Variants in WNK2 observed in about 807,000 individuals in gnomAD.
WNK2 encodes the protein WNK lysine deficient protein kinase 2.
A neutral mutation model predicts 192.1 loss-of-function variants in WNK2; 67 were observed. The ratio of observed to expected loss-of-function variants is 0.35; its 90% CI spans 0.29 to 0.43. WNK2 has a LOEUF of 0.43. WNK2 is among the 20% of genes least tolerant of loss of function. The pLI is 1.00. For missense variants in WNK2, 2,698 were observed against 3,089.7 expected (o/e 0.87, Z 3.01); for synonymous variants, 1,439 against 1,393.9 (o/e 1.03, Z -0.72).
At position 93,262,710 on chromosome 9, in the gene WNK2, G is replaced by A. The variant is rs1252095608; in HGVS notation, c.3401G>A (p.Ser1134Asn). Residue 1134 changes from serine (S) to asparagine (N), a missense_variant, in exon 14 of 30, where the codon AGC (serine) becomes AAC (asparagine). By Grantham distance (46) the Ser-to-Asn change is conservative. This residue lies in a region of WNK2 where 893 missense variants were observed against 909.0 expected (regional missense o/e 0.98). Coordinates refer to ENST00000427277, the MANE Select transcript of WNK2 (RefSeq NM_006648.4). ...SQDKPPGLPQ[S>N]CESYGGSDVT... ...GACAAGCCGCCCGGCCTCCCGCAGA[G>A]CTGTGAGAGGTAGTGTGGCCCAGCC... is the stretch of plus-strand genomic sequence containing the variant. 3 of 1,612,206 alleles carry A rather than the reference G, an allele frequency of 1.9e-6. No homozygotes were observed. Among genetic ancestry groups the A allele is most frequent in the Non-Finnish European group, 2.5e-6 (3 of 1,179,906 alleles).
intron 2 of WNK2, among the ~76,000 whole-genome samples, chr9:93,189,659 C>T (rs942359572): frequency 2.0e-4 from 31 of 152,212 alleles, no homozygotes; most frequent in African/African-American, 7.5e-4. Context: ...CCCAGCCACC[C>T]GACAGCCTCT....
In WNK2 at chr9:93,263,581, T is replaced by G; in HGVS notation, c.3426T>G (p.Asp1142Glu). Residue 1142 changes from aspartate (D) to glutamate (E), a missense_variant, in exon 15 of 30, where the codon GAT becomes GAG. This residue lies in a region of WNK2 where 893 missense variants were observed against 909.0 expected (regional missense o/e 0.98). Coordinates refer to ENST00000427277, the MANE Select transcript of WNK2 (RefSeq NM_006648.4). ...PQSCESYGGS[D>E]VTSGKELSDS... is the part of the protein sequence containing the mutation. ...TTTTGCTCAGCTATGGAGGTTCTGA[T>G]GTCACTTCTGGAAAAGAGCTGAGTG... The G allele has an allele frequency of 6.2e-7, 1 of 1,611,700 alleles. No individual in the cohort carries two copies. The highest frequency in any genetic ancestry group is 8.5e-7 in the Non-Finnish European group (1 of 1,179,346).
intron 25 of WNK2, 85 bp downstream of exon 25, chr9:93,299,346 A>T (rs995032367): frequency 2.1e-6 from 3 of 1,410,490 alleles, no homozygotes; most frequent in African/African-American, 2.9e-5. Context: ...CGTGTTGTGT[A>T]GAGGGGTTGC....
At chr9:93,208,607 T>G (rs1055853201) in intron 2 of WNK2, among the ~76,000 whole-genome samples, 2 of 45,284 alleles carry the variant, frequency 4.4e-5, no homozygotes, top group Non-Finnish European at 9.6e-5. Context: ...TCGTGTCCTG[T>G]GTGTTCTGCA....
chr9:93,306,928 T>TGACTGCCCCGC, intron 27 of WNK2, 107 bp downstream of exon 27: 1 of 1,415,528 alleles, frequency 7.1e-7, no homozygotes, highest in Admixed American at 1.7e-5. Context: ...GCCTGCCCTG[T>TGACTGCCCCGC]GCCTGCCCCG....
chr9:93,262,823 G>GT, intron 14 of WNK2, 104 bp downstream of exon 14: 1 of 1,344,480 alleles, frequency 7.4e-7, no homozygotes, highest in East Asian at 2.4e-5. Flanking sequence ...ACCCACTATA[G>GT]TTTGCCCTGA....
intron 5 of WNK2, 39 bp downstream of exon 5, chr9:93,235,004 CA>C (rs1839551263): frequency 1.9e-6 from 3 of 1,611,518 alleles, no homozygotes; most frequent in Non-Finnish European, 2.5e-6. Flanking sequence ...AATAAGGACA[CA>C]GAGGCCTTGG....
intron 7 of WNK2, among the ~76,000 whole-genome samples, chr9:93,240,243 C>T (rs932802658): frequency 2.6e-5 from 4 of 152,142 alleles, no homozygotes; most frequent in East Asian, 1.9e-4. Context: ...CAGTGCAGTG[C>T]GGGAATTCAG....
intron 2 of WNK2, among the ~76,000 whole-genome samples, chr9:93,194,371 A>G (rs563643601): frequency 1.3e-5 from 2 of 152,262 alleles, no homozygotes; most frequent in African/African-American, 2.4e-5. Context: ...CAACAATAAG[A>G]AAACAATCAG....
At chr9:93,302,218 C>A (rs1466551363) in intron 26 of WNK2, among the ~76,000 whole-genome samples, 2 of 152,210 alleles carry the variant, frequency 1.3e-5, no homozygotes, top group South Asian at 2.1e-4. Flanking sequence ...TGGGCGCAGC[C>A]CTGTGAGCGC....
Position 93,261,933 on chromosome 9 carries a change from C to T in WNK2, c.3186C>T (p.Ala1062=), listed in dbSNP as rs751676447. The change falls in exon 13 of 30, where the codon GCC becomes GCT. Residue 1062 remains alanine (A), a synonymous_variant. Transcript: ENST00000427277. The part of the protein sequence containing the change: ...PPLPEVLLPA[A]PELLPQFPSS... ...TGCCGGAAGTGCTGCTGCCTGCCGC[C>T]CCTGAGCTCCTGCCTCAGTTCCCCA... is the stretch of plus-strand genomic sequence containing the variant. The T allele has an allele frequency of 6.2e-7, 1 of 1,610,184 alleles. No individual in the cohort carries two copies. The highest frequency in any genetic ancestry group is 1.1e-5 in the South Asian group (1 of 91,072).
intron 2 of WNK2, among the ~76,000 whole-genome samples, chr9:93,189,009 G>A (rs1156495175): frequency 6.6e-6 from 1 of 152,184 alleles, no homozygotes; most frequent in East Asian, 1.9e-4. Flanking sequence ...GTTCCATGTG[G>A]CTCAGGGCTC....
chr9:93,278,934 A>C (rs947367180), intron 19 of WNK2, among the ~76,000 whole-genome samples: 1 of 152,242 alleles, frequency 6.6e-6, no homozygotes, highest in African/African-American at 2.4e-5. Context: ...AAAACCCAAC[A>C]ATTATAAACA....
intron 2 of WNK2, among the ~76,000 whole-genome samples, chr9:93,214,137 C>G (rs1367811274): frequency 3.9e-5 from 6 of 152,096 alleles, no homozygotes; most frequent in African/African-American, 9.7e-5. Context: ...TTCCCTTTAC[C>G]TGAAGTTTTC....
chr9:93,186,234 C>T (rs1311195456), intron 2 of WNK2, among the ~76,000 whole-genome samples: 1 of 152,180 alleles, frequency 6.6e-6, no homozygotes, highest in Non-Finnish European at 1.5e-5. Flanking sequence ...CTCTGCTGCT[C>T]TGAGAGCTCC....
chr9:93,306,435 G>A (rs1310156901), intron 26 of WNK2, among the ~76,000 whole-genome samples: 1 of 152,140 alleles, frequency 6.6e-6, no homozygotes, highest in Non-Finnish European at 1.5e-5. Context: ...GAAGCCTGAT[G>A]TTTGAAAGCC....
chr9:93,199,989 C>T (rs929796261), intron 2 of WNK2, among the ~76,000 whole-genome samples: 1 of 151,684 alleles, frequency 6.6e-6, no homozygotes, highest in Non-Finnish European at 1.5e-5. Context: ...CAGGGCAGCC[C>T]CAGCCTGGTG....
chr9:93,200,854 A>C (rs1232679411), intron 2 of WNK2, among the ~76,000 whole-genome samples: 1 of 152,214 alleles, frequency 6.6e-6, no homozygotes, highest in Non-Finnish European at 1.5e-5. Context: ...GAAGGATGAA[A>C]TAGGGTTAGC....
intron 7 of WNK2, among the ~76,000 whole-genome samples, chr9:93,243,845 C>T (rs1028348792): frequency 6.6e-6 from 1 of 152,246 alleles, no homozygotes; most frequent in African/African-American, 2.4e-5. Flanking sequence ...GGAGGGGCTT[C>T]GCCGTGATGC....
Sources: gnomAD v4.1 joint callset for allele counts (sites outside exome capture counted in the v4.1 genomes callset) on GRCh38, gnomAD v4.1.1 for gene constraint, gnomAD v4.1.1 regional missense constraint, MANE v1.5 for transcripts, NCBI Gene and HGNC (gene_info 2026-07-23, HGNC 2026-07-21) for gene names.